The following MSANTD3 variants were observed in gnomAD, a reference collection of about 807,000 sequenced individuals.
The protein encoded by MSANTD3 is myb/SANT-like DNA-binding domain-containing protein 3.
In MSANTD3, 11 loss-of-function variants were observed where a neutral mutation model predicts 27.7. The ratio of observed to expected loss-of-function variants is 0.40; its 90% confidence interval spans 0.25 to 0.66. MSANTD3 has a LOEUF of 0.66. Among genes scored for constraint, MSANTD3 ranks in the 30% least tolerant of loss-of-function variants. The probability of loss-of-function intolerance (pLI) is 0.41; values close to 1 mark genes in which losing one functional copy is unlikely to be tolerated. For missense variants in MSANTD3, 250 were observed against 336.5 expected, an observed-to-expected ratio of 0.74 and a Z score of 2.01; for synonymous variants, 131 against 127.2, an observed-to-expected ratio of 1.03 and a Z score of -0.20.
chr9:100,436,071 C>T (rs1169195521), intron 1 of MSANTD3, among the ~76,000 whole-genome samples: 1 of 152,118 alleles, frequency 6.6e-6, no homozygotes, highest in Non-Finnish European at 1.5e-5. Flanking sequence ...TGGGTCTTTG[C>T]CTAGCCCAAG....
intron 2 of MSANTD3, among the ~76,000 whole-genome samples, chr9:100,449,964 C>T (rs923878091): frequency 1.3e-5 from 2 of 152,096 alleles, no homozygotes; most frequent in African/African-American, 2.4e-5. Flanking sequence ...CCCCAAATGG[C>T]AGTGCTGGAG....
chr9:100,443,858 T>G (rs1223272303), intron 2 of MSANTD3, among the ~76,000 whole-genome samples: 1 of 152,196 alleles, frequency 6.6e-6, no homozygotes, highest in Non-Finnish European at 1.5e-5. Flanking sequence ...AGAGGATGTT[T>G]CCTGGTGGGG....
At chr9:100,439,676 A>C (rs895747991) in intron 1 of MSANTD3, among the ~76,000 whole-genome samples, 38 of 137,086 alleles carry the variant, frequency 2.8e-4, no homozygotes, top group African/African-American at 9.6e-4. Context: ...CTCCCAGCTA[A>C]TTTTTTTTTT....
In MSANTD3 at chr9:100,445,139, T is replaced by A. The variant is rs184464955; in HGVS notation, c.418+2783T>A. ...CTCTTTCTATACAGTAAAACAACTT[T>A]GAGTTCATTTCACTCATTTTGCATT... On this transcript the variant is annotated intron_variant, in intron 2 of 2. Transcript: ENST00000395067. The A allele has an allele frequency of 4.6e-5, 66 of 1,429,858 alleles. No homozygotes were observed. In the Admixed American group the frequency reaches 8.0e-4, roughly 17 times the overall value. The allele number at this position is 1,429,858 out of a possible 1,614,324, so 88.6% of individuals were successfully genotyped here. A position where few individuals can be genotyped will look rare whatever the true frequency, so the allele number is the denominator to read the frequency against.
chr9:100,442,340 C>T lies in MSANTD3; in HGVS notation c.402C>T (p.Pro134=), dbSNP rs202215981. ...CGGAGGAGGAGCCCGAATACCACCC[C>T]GACGCCTCAGCCCAAGGTATCCGTT... ...SPPEEEPEYH[P]DASAQESFAV... The change falls in exon 2 of 3, where the codon CCC becomes CCT. Residue 134 remains proline (P), a synonymous_variant. Transcript: ENST00000395067. The T allele has an allele frequency of 1.1e-4, 180 of 1,612,090 alleles. 1 individual carries two copies. The East Asian group carries it at 1.8e-3, about 16-fold the overall frequency.
chr9:100,432,580 G>A (rs1233450370), intron 1 of MSANTD3, among the ~76,000 whole-genome samples: 2 of 152,236 alleles, frequency 1.3e-5, no homozygotes, highest in Non-Finnish European at 2.9e-5. Context: ...GTTATGGCAG[G>A]TAATTCCACA....
intron 1 of MSANTD3, among the ~76,000 whole-genome samples, chr9:100,437,451 A>C (rs546530451): frequency 6.6e-6 from 1 of 152,330 alleles, no homozygotes; most frequent in East Asian, 1.9e-4. Flanking sequence ...AGAGTAAGTT[A>C]CTGAGCCACA....
intron 2 of MSANTD3, among the ~76,000 whole-genome samples, chr9:100,447,453 G>A (rs1836782446): frequency 6.6e-6 from 1 of 151,972 alleles, no homozygotes; most frequent in East Asian, 1.9e-4. Flanking sequence ...TTCTGCTCCC[G>A]GACACAAACA....
intron 2 of MSANTD3, among the ~76,000 whole-genome samples, chr9:100,447,170 A>G (rs901319834): frequency 2.0e-5 from 3 of 152,078 alleles, no homozygotes; most frequent in Admixed American, 1.3e-4. Context: ...TACCTCTGAG[A>G]GAGATTACAT....
chr9:100,429,119 C>T (rs866423736), intron 1 of MSANTD3, among the ~76,000 whole-genome samples: 1 of 152,088 alleles, frequency 6.6e-6, no homozygotes, highest in African/African-American at 2.4e-5. Context: ...CTCAGGCACT[C>T]CTGTCCTGAG....
chr9:100,446,448 G>A lies in MSANTD3; in HGVS notation c.418+4092G>A, dbSNP rs1218378886. Among the ~76,000 whole-genome samples, 12 of 152,070 alleles carry A rather than the reference G, an allele frequency of 7.9e-5. No individual in the cohort carries two copies. In the East Asian group the frequency reaches 2.1e-3, roughly 27 times the overall value. On this transcript the variant is annotated intron_variant, in intron 2 of 2. Coordinates refer to ENST00000395067, the MANE Select transcript of MSANTD3 (RefSeq NM_080655.3). ...ATATCCTTTTACATGTGTTTTGTGTGCATCTATTTTAAATTTATGTAGATT... is the reference window on the plus strand; with the variant it reads ...ATATCCTTTTACATGTGTTTTGTGTACATCTATTTTAAATTTATGTAGATT...
At chr9:100,446,912 A>T (rs1836767235) in intron 2 of MSANTD3, among the ~76,000 whole-genome samples, 2 of 151,826 alleles carry the variant, frequency 1.3e-5, no homozygotes, top group South Asian at 4.2e-4. Context: ...CATAGCATGC[A>T]TCCACACATC....
intron 2 of MSANTD3, among the ~76,000 whole-genome samples, chr9:100,446,406 C>G (rs1416236873): frequency 6.6e-6 from 1 of 152,136 alleles, no homozygotes; most frequent in Admixed American, 6.5e-5. Context: ...GCATCTGAAT[C>G]ATTCTAACGC....
intron 1 of MSANTD3, among the ~76,000 whole-genome samples, chr9:100,428,903 T>C (rs1042328026): frequency 6.6e-6 from 1 of 152,008 alleles, no homozygotes; most frequent in Admixed American, 6.6e-5. Flanking sequence ...CTAAAAAGGC[T>C]TTGGATCCTG....
At chr9:100,430,321 T>A (rs1836342399) in intron 1 of MSANTD3, among the ~76,000 whole-genome samples, 1 of 130,556 alleles carries the variant, frequency 7.7e-6, no homozygotes. Flanking sequence ...TGAGACTCTG[T>A]GTCAAAAAAA....
At chr9:100,429,125 CTGAG>C (rs2118164584) in intron 1 of MSANTD3, among the ~76,000 whole-genome samples, 1 of 152,266 alleles carries the variant, frequency 6.6e-6, no homozygotes, top group Admixed American at 6.5e-5. Flanking sequence ...CACTCCTGTC[CTGAG>C]TGAGTAGGAA....
In MSANTD3 at chr9:100,448,059, G is replaced by C. The variant is rs143227239; in HGVS notation, c.419-2498G>C. On this transcript the variant is annotated intron_variant, in intron 2 of 2. Transcript: ENST00000395067. ...TACAAAAAATTAATCAGGCTTGGTGGTGTATGCCTGTAGTCCCAGCTAGTT... is the reference window on the plus strand; with the variant it reads ...TACAAAAAATTAATCAGGCTTGGTGCTGTATGCCTGTAGTCCCAGCTAGTT... 1.8e-4 allele frequency: 39 copies of C among 222,360 alleles called. No homozygotes were observed. The East Asian group carries it at 3.1e-3, about 18-fold the overall frequency. The allele number at this position is 222,360 out of a possible 1,614,324, so 13.8% of individuals were successfully genotyped here. A position where few individuals can be genotyped will look rare whatever the true frequency, so the allele number is the denominator to read the frequency against.
chr9:100,450,795 T>C lies in MSANTD3; in HGVS notation c.657T>C (p.His219=), dbSNP rs190228185. 3.4e-5 allele frequency: 55 copies of C among 1,614,076 alleles called. No individual in the cohort carries two copies. The highest frequency in any genetic ancestry group is 4.7e-5 in the Non-Finnish European group (55 of 1,179,990). The change falls in exon 3 of 3, where the codon CAT becomes CAC. Residue 219 remains histidine (H), a synonymous_variant. Coordinates refer to ENST00000395067, the MANE Select transcript of MSANTD3 (RefSeq NM_080655.3). ...QLQLIQMNEV[H]VAKIQQIERE... ...AACTGATACAAATGAATGAGGTGCA[T>C]GTGGCCAAAATCCAGCAGATAGAGC...
At chr9:100,442,523 A>G (rs1039505947) in intron 2 of MSANTD3, among the ~76,000 whole-genome samples, 167 bp downstream of exon 2, 1 of 152,186 alleles carries the variant, frequency 6.6e-6, no homozygotes, top group Non-Finnish European at 1.5e-5. Flanking sequence ...AAAGTCTTAT[A>G]GAAGTGGGCG....
Sources: allele counts gnomAD v4.1 joint callset (sites outside exome capture counted in the v4.1 genomes callset), GRCh38; gene constraint gnomAD v4.1.1; transcripts MANE v1.5; gene names NCBI Gene and HGNC (gene_info 2026-07-23, HGNC 2026-07-21).